Variants in LRP1B observed in about 807,000 individuals in gnomAD.
The protein encoded by LRP1B is LDL receptor related protein 1B, also known as low-density lipoprotein receptor-related protein 1B.
LRP1B carries 217 observed loss-of-function variants against 556.6 expected under a neutral mutation model. That is an observed-to-expected ratio of 0.39 (90% CI 0.35 to 0.44). LRP1B has a LOEUF of 0.44. Ranked by LOEUF, LRP1B falls within the 20% of genes least tolerant of loss-of-function variation. The pLI, the probability that LRP1B is intolerant of heterozygous loss-of-function variation, is 1.00. For synonymous variants in LRP1B, 2,047 were observed against 1,865.8 expected (o/e 1.10, Z -2.50); for missense variants, 5,053 against 5,620.8 (o/e 0.90, Z 3.23).
chr2:141,982,674 C>T (rs1702076009), intron 1 of LRP1B, among the ~76,000 whole-genome samples: 1 of 152,152 alleles, frequency 6.6e-6, no homozygotes, highest in African/African-American at 2.4e-5. Context: ...TGTACTTTAA[C>T]CTAAAATTTG....
chr2:141,588,354 C>A (rs1386818223), intron 2 of LRP1B, among the ~76,000 whole-genome samples: 1 of 151,712 alleles, frequency 6.6e-6, no homozygotes, highest in Admixed American at 6.6e-5. Flanking sequence ...TAATACTGGC[C>A]TAAAATCACA....
Position 140,541,895 on chromosome 2 carries a change from C to T in LRP1B, c.7271G>A (p.Gly2424Glu), listed in dbSNP as rs1407431766. 2 of 1,612,724 alleles carry T rather than the reference C, an allele frequency of 1.2e-6. No homozygotes were observed. Among genetic ancestry groups the T allele is most frequent in the South Asian group, 2.2e-5 (2 of 90,990 alleles). The change falls in exon 44 of 91, where the codon GGA (glycine) becomes GAA (glutamate). Residue 2424 changes from glycine (G) to glutamate (E), a missense_variant. By Grantham distance (98) the Gly-to-Glu change is moderately conservative (BLOSUM62 -2). Transcript: ENST00000389484. ...YDNYIFWSDW[G>E]RRAILRSNKY... is the part of the protein sequence containing the mutation. Reference sequence around the variant, plus strand: ...GTTGGACCGCAGTATAGCTCTTCTTCCCCAGTCCGACCAGAATATATAATT... The same window carrying T: ...GTTGGACCGCAGTATAGCTCTTCTTTCCCAGTCCGACCAGAATATATAATT...
intron 47 of LRP1B, among the ~76,000 whole-genome samples, chr2:140,531,985 A>T (rs917741188): frequency 4.6e-5 from 7 of 152,088 alleles, no homozygotes; most frequent in Non-Finnish European, 1.0e-4. Flanking sequence ...CTACTCATGC[A>T]ATCATTACTC....
In LRP1B at chr2:141,395,501, A is replaced by G. The variant is rs143682308; in HGVS notation, c.343+84895T>C. Among the ~76,000 whole-genome samples, 547 of 152,264 alleles carry G rather than the reference A, an allele frequency of 3.6e-3. 14 individuals carry two copies. Among genetic ancestry groups the G allele is most frequent in the Admixed American group, 0.023 (346 of 15,288 alleles). On this transcript the variant is annotated intron_variant, in intron 3 of 90. Transcript: ENST00000389484. ...ATGTAGATTTATGTAAGTACTCTCTATGATGTTCACACAATGATGAAATTG... is the reference window on the plus strand; with the variant it reads ...ATGTAGATTTATGTAAGTACTCTCTGTGATGTTCACACAATGATGAAATTG...
intron 1 of LRP1B, among the ~76,000 whole-genome samples, chr2:141,968,647 G>A (rs749544422): frequency 4.0e-5 from 6 of 151,778 alleles, no homozygotes; most frequent in Non-Finnish European, 8.8e-5. Flanking sequence ...CTAAGTGAAA[G>A]TGAATGATAC....
At chr2:140,826,361 C>CA in intron 31 of LRP1B, among the ~76,000 whole-genome samples, 1 of 152,178 alleles carries the variant, frequency 6.6e-6, no homozygotes, top group South Asian at 2.1e-4. Context: ...TCCCACATCC[C>CA]AAAAATATGC....
intron 2 of LRP1B, among the ~76,000 whole-genome samples, chr2:141,677,638 C>T (rs772806481): frequency 1.8e-4 from 27 of 152,128 alleles, no homozygotes; most frequent in Non-Finnish European, 3.2e-4. Flanking sequence ...TACAGGCATG[C>T]GCCACCATGC....
intron 1 of LRP1B, among the ~76,000 whole-genome samples, chr2:141,851,462 C>T: frequency 6.6e-6 from 1 of 151,760 alleles, no homozygotes; most frequent in African/African-American, 2.4e-5. Context: ...AGGCTTTATT[C>T]TATAGTTATT....
intron 1 of LRP1B, among the ~76,000 whole-genome samples, chr2:142,067,364 G>A (rs1408996356): frequency 6.6e-6 from 1 of 151,342 alleles, no homozygotes; most frequent in Non-Finnish European, 1.5e-5. Flanking sequence ...TTTAAAAAAT[G>A]TAATATATTC....
chr2:140,779,559 G>A (rs1046694400), intron 32 of LRP1B, among the ~76,000 whole-genome samples: 1 of 152,040 alleles, frequency 6.6e-6, no homozygotes, highest in Non-Finnish European at 1.5e-5. Flanking sequence ...GCCAGGCATG[G>A]TGATGTGCGC....
rs1273937503 is a variant in LRP1B at position 140,378,227 on chromosome 2, T to C, written c.10591A>G (p.Arg3531Gly). Residue 3531 changes from arginine (R) to glycine (G), a missense_variant, in exon 68 of 91, where the codon AGG becomes GGG. Around this residue, in one of 5 missense-constraint regions of LRP1B, gnomAD observed 599 missense variants for 648.4 expected, o/e 0.92. Transcript: ENST00000389484. ...LCANGDCVSSRFWCDGDFDCA... is the reference protein window; with the variant it reads ...LCANGDCVSSGFWCDGDFDCA... ...TCAAAATCTCCATCACACCAAAACCTTGAAGAAACACAGTCCCCATTGGCA... is the reference window on the plus strand; with the variant it reads ...TCAAAATCTCCATCACACCAAAACCCTGAAGAAACACAGTCCCCATTGGCA... 4 of 1,613,676 alleles carry C rather than the reference T, an allele frequency of 2.5e-6. No homozygotes were observed. The highest frequency in any genetic ancestry group is 1.7e-5 in the Admixed American group (1 of 59,982).
intron 84 of LRP1B, among the ~76,000 whole-genome samples, chr2:140,290,383 C>G (rs1683325534): frequency 6.6e-6 from 1 of 151,976 alleles, no homozygotes; most frequent in Admixed American, 6.6e-5. Flanking sequence ...TTAATCCAGA[C>G]AAGGGATGAT....
At chr2:141,876,630 AT>A (rs143169285) in intron 1 of LRP1B, among the ~76,000 whole-genome samples, 24,000 of 151,798 alleles carry the variant, frequency 0.16, 1,977 homozygotes, top group South Asian at 0.19. Context: ...ATTACCACTC[AT>A]TTTTTTATAG....
intron 35 of LRP1B, among the ~76,000 whole-genome samples, chr2:140,722,992 G>A (rs895779022): frequency 9.2e-5 from 14 of 152,090 alleles, no homozygotes; most frequent in African/African-American, 2.9e-4. Context: ...GCAGTGAGCC[G>A]AGATCGCGCC....
chr2:141,160,274 G>T (rs564266788), intron 7 of LRP1B, among the ~76,000 whole-genome samples: 1 of 152,190 alleles, frequency 6.6e-6, no homozygotes, highest in East Asian at 1.9e-4. Context: ...AAGTGCTGGA[G>T]AATATGTCTG....
intron 10 of LRP1B, among the ~76,000 whole-genome samples, chr2:141,054,902 A>G (rs997552013): frequency 6.6e-6 from 1 of 151,980 alleles, no homozygotes; most frequent in African/African-American, 2.4e-5. Context: ...CCTAAAATCA[A>G]TAAATTTAGT....
chr2:141,825,106 T>C (rs35593363), intron 1 of LRP1B, among the ~76,000 whole-genome samples: 7,333 of 152,292 alleles, frequency 0.048, 272 homozygotes, highest in Non-Finnish European at 0.065. Context: ...CAATTAAAGC[T>C]CTTTTGTTTA....
At chr2:141,254,694 T>A in intron 3 of LRP1B, 53 bp from the exon 4 acceptor site, 2 of 1,386,588 alleles carry the variant, frequency 1.4e-6, no homozygotes, top group Non-Finnish European at 2.0e-6. Flanking sequence ...ATGTAAATAG[T>A]TTGTATTTCT....
intron 2 of LRP1B, among the ~76,000 whole-genome samples, chr2:141,706,481 T>C (rs1421948958): frequency 6.6e-6 from 1 of 152,108 alleles, no homozygotes; most frequent in Non-Finnish European, 1.5e-5. Context: ...AGAACTGGAC[T>C]AAATTCTACA....
Sources: gnomAD v4.1 joint callset for allele counts (sites outside exome capture counted in the v4.1 genomes callset) on GRCh38, gnomAD v4.1.1 for gene constraint, gnomAD v4.1.1 regional missense constraint, MANE v1.5 for transcripts, NCBI Gene and HGNC (gene_info 2026-07-23, HGNC 2026-07-21) for gene names.